Variants in ABCB5 observed in about 807,000 individuals in gnomAD.
ABCB5 encodes ATP-binding cassette sub-family B member 5.
Under a neutral mutation model 144.2 loss-of-function variants are expected in ABCB5, and 155 were observed. The observed-to-expected ratio is 1.08, with a 90% confidence interval of 0.94 to 1.23. The LOEUF (loss-of-function observed/expected upper bound fraction) is 1.23. ABCB5 is among the 50% of genes most tolerant of loss of function. ABCB5 has a pLI of 0.00. For synonymous variants in ABCB5, 610 were observed against 528.6 expected (o/e 1.15, Z -2.11); for missense variants, 1,830 against 1,520.8 (o/e 1.20, Z -3.38).
intron 14 of ABCB5, among the ~76,000 whole-genome samples, chr7:20,668,694 G>C (rs1365713748): frequency 7.0e-6 from 1 of 142,642 alleles, no homozygotes; most frequent in African/African-American, 2.7e-5. Flanking sequence ...CCCTCTGCCC[G>C]GCCAGTCGCC....
intron 4 of ABCB5, among the ~76,000 whole-genome samples, chr7:20,631,053 T>A (rs1475193548): frequency 6.6e-6 from 1 of 152,186 alleles, no homozygotes; most frequent in Non-Finnish European, 1.5e-5. Flanking sequence ...AGCAGGATTA[T>A]TCGTTCCTAT....
chr7:20,753,904 G>A (rs1446808238), intron 27 of ABCB5, among the ~76,000 whole-genome samples: 2 of 152,200 alleles, frequency 1.3e-5, no homozygotes, highest in African/African-American at 4.8e-5. Flanking sequence ...CAGGGTCAGA[G>A]CCTGAGAGTT....
At chr7:20,734,797 G>GA (rs1439059871) in intron 23 of ABCB5, among the ~76,000 whole-genome samples, 5 of 152,146 alleles carry the variant, frequency 3.3e-5, no homozygotes, top group Non-Finnish European at 7.4e-5. Flanking sequence ...GGGGCGTTTA[G>GA]AAAATCTCTT....
rs147073100 is a variant in ABCB5, at chr7:20,691,753, C to A, written c.2010+5917C>A. 7.8e-4 allele frequency among the ~76,000 whole-genome samples: 118 copies of A among 152,116 alleles called. 3 individuals carry two copies. In the East Asian group the frequency reaches 0.015, roughly 20 times the overall value. ...CTGCACTAAACCTAACTAACAAATC[C>A]TAATAGCAAGACTCAAAAGGATTAA... is the stretch of plus-strand genomic sequence containing the variant. On this transcript the variant is annotated intron_variant, in intron 16 of 27. Coordinates refer to ENST00000404938, the MANE Select transcript of ABCB5 (RefSeq NM_001163941.2).
intron 19 of ABCB5, among the ~76,000 whole-genome samples, chr7:20,704,075 C>CTTTTTTTTTTTTTTTTTTTTTTTTTTT (rs71020669): frequency 3.7e-5 from 3 of 80,774 alleles, no homozygotes; most frequent in Non-Finnish European, 6.5e-5. Flanking sequence ...TATTGCCTTC[C>CTTTTTTTTTTTTTTTTTTTTTTTTTTT]TTTTTTTTTT....
intron 19 of ABCB5, among the ~76,000 whole-genome samples, chr7:20,702,066 G>T (rs536476645): frequency 6.6e-6 from 1 of 152,248 alleles, no homozygotes; most frequent in South Asian, 2.1e-4. Context: ...CTTCATTTGA[G>T]GTAGAGGTAT....
At chr7:20,750,768 G>T (rs751695195) in intron 26 of ABCB5, among the ~76,000 whole-genome samples, 13 of 151,330 alleles carry the variant, frequency 8.6e-5, no homozygotes, top group Non-Finnish European at 1.9e-4. Flanking sequence ...AACCAGAAGG[G>T]TGCAGAGCAA....
At chr7:20,672,464 T>A (rs910704556) in intron 14 of ABCB5, among the ~76,000 whole-genome samples, 3 of 152,106 alleles carry the variant, frequency 2.0e-5, no homozygotes, top group Admixed American at 6.6e-5. Context: ...TGGGGCTTAA[T>A]ACCCAGGTGA....
At chr7:20,738,835 G>C (rs1782469799) in intron 23 of ABCB5, 148 bp from the exon 24 acceptor site, 1 of 792,552 alleles carries the variant, frequency 1.3e-6, no homozygotes, top group South Asian at 3.1e-5. Flanking sequence ...ATTTTTTAAA[G>C]AGATAACTTG....
chr7:20,716,937 C>G (rs1453607144), intron 20 of ABCB5, among the ~76,000 whole-genome samples: 1 of 152,110 alleles, frequency 6.6e-6, no homozygotes, highest in East Asian at 1.9e-4. Flanking sequence ...ACTCGATTCC[C>G]CAGCGATCTC....
At chr7:20,710,992 A>G (rs1440130986) in intron 20 of ABCB5, among the ~76,000 whole-genome samples, 1 of 149,842 alleles carries the variant, frequency 6.7e-6, no homozygotes, top group Non-Finnish European at 1.5e-5. Flanking sequence ...TATAGTACCC[A>G]TCTTTAACTT....
At chr7:20,681,968 A>G (rs993815758) in intron 15 of ABCB5, among the ~76,000 whole-genome samples, 23 of 152,094 alleles carry the variant, frequency 1.5e-4, no homozygotes, top group African/African-American at 5.3e-4. Flanking sequence ...GCAATTTGGG[A>G]GGTCGAGGCG....
intron 15 of ABCB5, among the ~76,000 whole-genome samples, chr7:20,682,544 G>C (rs1785863654): frequency 6.6e-6 from 1 of 152,138 alleles, no homozygotes. Context: ...AAACAAAAAG[G>C]AGGTAGCTTT....
At chr7:20,623,071 A>C (rs1369855743) in intron 1 of ABCB5, among the ~76,000 whole-genome samples, 194 bp from the exon 2 acceptor site, 1 of 152,142 alleles carries the variant, frequency 6.6e-6, no homozygotes, top group East Asian at 1.9e-4. Flanking sequence ...GGAAGTTATA[A>C]ATTCAATGAC....
intron 26 of ABCB5, among the ~76,000 whole-genome samples, chr7:20,750,414 AC>A (rs1202269812): frequency 1.3e-5 from 2 of 151,954 alleles, no homozygotes; most frequent in Non-Finnish European, 2.9e-5. Flanking sequence ...ACACACACAC[AC>A]ACACATATAC....
chr7:20,700,662 C>T (rs917091813), intron 19 of ABCB5, among the ~76,000 whole-genome samples: 6 of 152,138 alleles, frequency 3.9e-5, no homozygotes, highest in African/African-American at 1.4e-4. Context: ...GATCAGTCCC[C>T]GCTGTGAAAT....
chr7:20,716,884 G>A (rs1010770804), intron 20 of ABCB5, among the ~76,000 whole-genome samples: 1 of 152,124 alleles, frequency 6.6e-6, no homozygotes, highest in Non-Finnish European at 1.5e-5. Context: ...TCTAAAGCGT[G>A]CCGAACCCCA....
intron 26 of ABCB5, among the ~76,000 whole-genome samples, chr7:20,749,577 G>C (rs148581043): frequency 6.6e-5 from 10 of 151,876 alleles, no homozygotes; most frequent in African/African-American, 2.4e-4. Flanking sequence ...CACAGCTACT[G>C]AGCATTTCTT....
At chr7:20,749,385 T>C (rs1583469330) in intron 26 of ABCB5, among the ~76,000 whole-genome samples, 1 of 146,158 alleles carries the variant, frequency 6.8e-6, no homozygotes, top group East Asian at 2.0e-4. Flanking sequence ...CTGCCACCTA[T>C]GCCTGCCTAA....
Sources: allele counts gnomAD v4.1 joint callset (sites outside exome capture counted in the v4.1 genomes callset), GRCh38; gene constraint gnomAD v4.1.1; transcripts MANE v1.5; gene names NCBI Gene and HGNC (gene_info 2026-07-23, HGNC 2026-07-21).